Variants in RORA observed in about 807,000 individuals in gnomAD.
RORA encodes nuclear receptor ROR-alpha.
RORA carries 7 observed loss-of-function variants against 69.5 expected under a neutral mutation model. The observed-to-expected ratio is 0.10, with a 90% confidence interval of 0.06 to 0.19. The LOEUF is 0.19. RORA is among the 10% of genes least tolerant of loss of function. RORA has a pLI of 1.00. For missense variants in RORA, 457 were observed against 663.0 expected (o/e 0.69, Z 3.41); for synonymous variants, 261 against 240.8 (o/e 1.08, Z -0.78).
chr15:60,972,187 C>T (rs564774956), intron 1 of RORA, among the ~76,000 whole-genome samples: 1 of 152,272 alleles, frequency 6.6e-6, no homozygotes, highest in East Asian at 1.9e-4. Context: ...GCAAATCCTT[C>T]CTTTAAGGGT....
In RORA at chr15:61,067,699, G is replaced by A. The variant is rs117706984; in HGVS notation, c.166+161354C>T. On this transcript the variant is annotated intron_variant, in intron 1 of 10. Transcript: ENST00000335670. ...ATTTAAACACTGGTGTTCTCATCCG[G>A]TACAACATGCTGTCACCCTCAAAAT... 4.3e-3 allele frequency among the ~76,000 whole-genome samples: 659 copies of A among 152,316 alleles called. 3 individuals carry two copies. Among genetic ancestry groups the A allele is most frequent in the Non-Finnish European group, 7.8e-3 (531 of 68,028 alleles).
At chr15:60,799,905 C>T (rs1361990749) in intron 1 of RORA, among the ~76,000 whole-genome samples, 2 of 152,202 alleles carry the variant, frequency 1.3e-5, no homozygotes, top group African/African-American at 4.8e-5. Context: ...CTCTCAGTGC[C>T]TCTATCTCTT....
At chr15:60,579,195 C>T (rs1214998537) in intron 2 of RORA, among the ~76,000 whole-genome samples, 1 of 151,848 alleles carries the variant, frequency 6.6e-6, no homozygotes, top group African/African-American at 2.4e-5. Context: ...ATGCTTTGCA[C>T]CATTAATACA....
intron 2 of RORA, among the ~76,000 whole-genome samples, chr15:60,622,065 G>A (rs1341365564): frequency 6.6e-6 from 1 of 151,540 alleles, no homozygotes; most frequent in East Asian, 2.0e-4. Flanking sequence ...AAGGAAAGCG[G>A]AATGTTCCCT....
intron 1 of RORA, among the ~76,000 whole-genome samples, chr15:60,770,573 A>T (rs2072058597): frequency 6.6e-6 from 1 of 152,180 alleles, no homozygotes; most frequent in African/African-American, 2.4e-5. Flanking sequence ...GCTTTCCCAT[A>T]AAGGAAAGTG....
In RORA at chr15:60,617,733, C is replaced by T. The variant is rs150471725; in HGVS notation, c.196+60924G>A. 6.9e-4 allele frequency among the ~76,000 whole-genome samples: 104 copies of T among 151,326 alleles called. No homozygotes were observed. The East Asian group carries it at 0.019, about 27-fold the overall frequency. On this transcript the variant is annotated intron_variant, in intron 2 of 10. Coordinates refer to ENST00000335670, the MANE Select transcript of RORA (RefSeq NM_134261.3). ...AGAAACCTAAAACTGTGAGCTTCTT[C>T]TCAGCCTGGTCTTCATTAAGAACTT...
At chr15:60,661,302 G>A (rs548200412) in intron 2 of RORA, among the ~76,000 whole-genome samples, 2 of 152,288 alleles carry the variant, frequency 1.3e-5, no homozygotes, top group South Asian at 2.1e-4. Context: ...AAATGTAGAT[G>A]AGTTACTTGA....
chr15:61,069,715 T>A lies in RORA; in HGVS notation c.166+159338A>T, dbSNP rs111382186. ...TGGAGCTCAAAAAACAGCAATTGCT[T>A]GAGGAAAAAAAAAAGGAAAGAAAAA... On this transcript the variant is annotated intron_variant, in intron 1 of 10. Coordinates refer to ENST00000335670, the MANE Select transcript of RORA (RefSeq NM_134261.3). Among the ~76,000 whole-genome samples the A allele has an allele frequency of 8.2e-3, 1,083 of 131,424 alleles. 16 individuals are homozygous for A. The highest frequency in any genetic ancestry group is 0.026 in the African/African-American group (1,019 of 38,760). The allele number at this position is 131,424 out of a possible 152,430, so 86.2% of individuals were successfully genotyped here.
intron 1 of RORA, among the ~76,000 whole-genome samples, chr15:61,063,667 T>C (rs147761423): frequency 1.1e-4 from 16 of 152,334 alleles, no homozygotes; most frequent in Admixed American, 7.2e-4. Context: ...GAAATGGAGA[T>C]ATCTGCCTGC....
intron 1 of RORA, chr15:60,681,846 C>T (rs1378562016): frequency 2.6e-5 from 4 of 152,152 alleles, no homozygotes; most frequent in Non-Finnish European, 5.9e-5. Flanking sequence ...GAAAAAAAAT[C>T]GTATGCAAAC....
chr15:61,064,251 A>C lies in RORA; in HGVS notation c.166+164802T>G, dbSNP rs532475841. Among the ~76,000 whole-genome samples the C allele has an allele frequency of 3.3e-5, 5 of 152,308 alleles. No individual in the cohort carries two copies. In the South Asian group the frequency reaches 6.2e-4, roughly 19 times the overall value. ...GACACCAACTCACATCACATCATCA[A>C]GAACAATTATGATTCACTTGAGTCA... On this transcript the variant is annotated intron_variant, in intron 1 of 10. Transcript: ENST00000335670.
chr15:60,947,069 G>A, intron 1 of RORA, among the ~76,000 whole-genome samples: 1 of 87,272 alleles, frequency 1.1e-5, no homozygotes. Flanking sequence ...GAGGTGGGGG[G>A]CCAGCCCCCG....
intron 1 of RORA, among the ~76,000 whole-genome samples, chr15:60,791,800 G>A (rs1465804091): frequency 6.6e-6 from 1 of 152,214 alleles, no homozygotes; most frequent in Non-Finnish European, 1.5e-5. Context: ...TTGAGTCCAG[G>A]CAAGTCGAGT....
chr15:61,163,940 T>C (rs901954604), intron 1 of RORA, among the ~76,000 whole-genome samples: 10 of 152,202 alleles, frequency 6.6e-5, no homozygotes, highest in Admixed American at 3.9e-4. Flanking sequence ...GCAAGTGATA[T>C]AGAGGGATTT....
chr15:60,740,867 T>C (rs116470238), intron 1 of RORA, among the ~76,000 whole-genome samples: 227 of 152,280 alleles, frequency 1.5e-3, no homozygotes, highest in African/African-American at 5.4e-3. Flanking sequence ...TTGCTACCAA[T>C]AGAGGGTGGG....
intron 1 of RORA, among the ~76,000 whole-genome samples, chr15:61,095,544 G>A (rs138818186): frequency 6.4e-4 from 98 of 152,256 alleles, no homozygotes; most frequent in African/African-American, 2.3e-3. Flanking sequence ...CTCAGTCTGC[G>A]GGCTGGGCCC....
At chr15:61,072,328 A>G (rs1037661967) in intron 1 of RORA, among the ~76,000 whole-genome samples, 1 of 152,206 alleles carries the variant, frequency 6.6e-6, no homozygotes, top group Non-Finnish European at 1.5e-5. Flanking sequence ...TGATAAGCCT[A>G]CAAGGACAAT....
At chr15:60,750,512 A>T (rs1456012719) in intron 1 of RORA, among the ~76,000 whole-genome samples, 1 of 152,218 alleles carries the variant, frequency 6.6e-6, no homozygotes, top group Admixed American at 6.5e-5. Flanking sequence ...ACCGTGTTCA[A>T]CCTTGTCTGA....
chr15:61,065,342 C>A (rs573186325), intron 1 of RORA, among the ~76,000 whole-genome samples: 5 of 152,328 alleles, frequency 3.3e-5, no homozygotes, highest in African/African-American at 1.2e-4. Flanking sequence ...TTAATTCTTA[C>A]TACTCTAAGT....
Sources: gnomAD v4.1 joint callset for allele counts (sites outside exome capture counted in the v4.1 genomes callset) on GRCh38, gnomAD v4.1.1 for gene constraint, MANE v1.5 for transcripts, NCBI Gene and HGNC (gene_info 2026-07-23, HGNC 2026-07-21) for gene names.